Variants in CLPB observed in about 807,000 individuals in gnomAD.
CLPB encodes mitochondrial disaggregase.
A neutral mutation model predicts 78.4 loss-of-function variants in CLPB; 40 were observed. That is an observed-to-expected ratio of 0.51 (90% CI 0.40 to 0.66). The LOEUF (loss-of-function observed/expected upper bound fraction) is 0.66, where lower values mean the gene tolerates loss of function less well. Ranked by LOEUF, CLPB falls within the 30% of genes least tolerant of loss-of-function variation. The pLI is 0.00. For synonymous variants in CLPB, 333 were observed against 348.0 expected (o/e 0.96, Z 0.48); for missense variants, 780 against 886.9 (o/e 0.88, Z 1.53).
chr11:72,390,255 T>C (rs926545508), intron 3 of CLPB, among the ~76,000 whole-genome samples: 3 of 151,698 alleles, frequency 2.0e-5, no homozygotes, highest in South Asian at 4.2e-4. Flanking sequence ...CTGGCCAACA[T>C]GGTAAAACCC....
At chr11:72,384,612 A>C (rs1855022618) in intron 3 of CLPB, among the ~76,000 whole-genome samples, 1 of 152,220 alleles carries the variant, frequency 6.6e-6, no homozygotes, top group African/African-American at 2.4e-5. Flanking sequence ...TAAATGGATT[A>C]AAAAGAGTAA....
chr11:72,327,069 G>A (rs1387375415), intron 6 of CLPB, among the ~76,000 whole-genome samples: 1 of 152,198 alleles, frequency 6.6e-6, no homozygotes, highest in Non-Finnish European at 1.5e-5. Context: ...GAGTGACAAC[G>A]GATGAAATGA....
At chr11:72,371,703 C>T (rs1280247399) in intron 4 of CLPB, among the ~76,000 whole-genome samples, 1 of 152,128 alleles carries the variant, frequency 6.6e-6, no homozygotes, top group African/African-American at 2.4e-5. Context: ...AGGCATGAGC[C>T]ACCACACTCG....
chr11:72,408,218 G>GA, intron 2 of CLPB: 2 of 1,523,822 alleles, frequency 1.3e-6, no homozygotes, highest in African/African-American at 1.4e-5. Context: ...AGGTATAATG[G>GA]AAAAAAAGCA....
At chr11:72,377,745 C>A (rs988465927) in intron 4 of CLPB, among the ~76,000 whole-genome samples, 43 of 151,426 alleles carry the variant, frequency 2.8e-4, no homozygotes, top group Non-Finnish European at 4.4e-5. Flanking sequence ...AATTATGTAA[C>A]CTTGAACTAG....
At chr11:72,391,018 T>C (rs1166352862) in intron 3 of CLPB, among the ~76,000 whole-genome samples, 3 of 152,206 alleles carry the variant, frequency 2.0e-5, no homozygotes, top group Non-Finnish European at 4.4e-5. Context: ...ACAACATAGA[T>C]GGATGATTTT....
intron 3 of CLPB, among the ~76,000 whole-genome samples, chr11:72,390,266 C>G (rs1374449609): frequency 6.6e-6 from 1 of 150,974 alleles, no homozygotes; most frequent in Non-Finnish European, 1.5e-5. Context: ...GGTAAAACCC[C>G]ATCTCTACTA....
intron 3 of CLPB, among the ~76,000 whole-genome samples, chr11:72,401,586 A>C (rs1855563278): frequency 6.6e-6 from 1 of 152,254 alleles, no homozygotes; most frequent in Non-Finnish European, 1.5e-5. Flanking sequence ...TGTACAGCTA[A>C]GTCTCTCAGT....
chr11:72,404,386 T>A (rs117235147), intron 2 of CLPB, among the ~76,000 whole-genome samples: 4,475 of 152,288 alleles, frequency 0.029, 110 homozygotes, highest in Non-Finnish European at 0.041. Context: ...TGTGCCACGA[T>A]CTATAGTAAA....
intron 9 of CLPB, among the ~76,000 whole-genome samples, chr11:72,305,409 T>C (rs571762892): frequency 1.3e-5 from 2 of 152,362 alleles, no homozygotes; most frequent in African/African-American, 4.8e-5. Context: ...AGTCAAGGAA[T>C]AGGCACTTGC....
At chr11:72,387,896 G>A (rs1855131054) in intron 3 of CLPB, among the ~76,000 whole-genome samples, 2 of 152,128 alleles carry the variant, frequency 1.3e-5, no homozygotes, top group South Asian at 4.1e-4. Flanking sequence ...TTAATCCTCA[G>A]CTGCTGTGTC....
intron 5 of CLPB, among the ~76,000 whole-genome samples, chr11:72,340,593 GATTC>G (rs1362952931): frequency 6.6e-6 from 1 of 152,176 alleles, no homozygotes; most frequent in Non-Finnish European, 1.5e-5. Context: ...GTAGAATGCT[GATTC>G]ATTCATTCAT....
chr11:72,286,883 A>G lies in CLPB; in HGVS notation c.*6484T>C, dbSNP rs1949397765. ...AATTAGAGGTTTACCTTTAACCTCT[A>G]AATACTTACATTTTCTGAAAACAAG... On this transcript the variant is annotated 3_prime_UTR_variant, in exon 16 of 16. Coordinates refer to ENST00000538039, the MANE Select transcript of CLPB (RefSeq NM_001258392.3). 6.6e-6 allele frequency: 1 copy of G among 152,130 alleles called. No homozygotes were observed. The highest frequency in any genetic ancestry group is 2.4e-5 in the African/African-American group (1 of 41,430). The allele number at this position is 152,130 out of a possible 1,614,324, so 9.4% of individuals were successfully genotyped here.
intron 6 of CLPB, among the ~76,000 whole-genome samples, chr11:72,318,636 A>G (rs1949992438): frequency 6.6e-6 from 1 of 152,216 alleles, no homozygotes; most frequent in Non-Finnish European, 1.5e-5. Context: ...CTGCTTGGGC[A>G]GTGTTTTCCT....
At chr11:72,385,604 C>T (rs991864053) in intron 3 of CLPB, among the ~76,000 whole-genome samples, 34 of 152,294 alleles carry the variant, frequency 2.2e-4, no homozygotes, top group African/African-American at 7.7e-4. Context: ...AGCTGGATCA[C>T]CTGAGGTCAG....
chr11:72,373,231 C>T (rs1951077308), intron 4 of CLPB, among the ~76,000 whole-genome samples: 1 of 152,242 alleles, frequency 6.6e-6, no homozygotes, highest in Admixed American at 6.5e-5. Flanking sequence ...GGCTGCGTCT[C>T]TGCCGTGTTT....
intron 2 of CLPB, among the ~76,000 whole-genome samples, chr11:72,416,661 G>A (rs1412519948): frequency 3.3e-5 from 5 of 150,960 alleles, no homozygotes; most frequent in African/African-American, 1.2e-4. Flanking sequence ...GCTTGAACCC[G>A]GGAGGCAGAG....
At chr11:72,308,649 T>C in intron 7 of CLPB, 45 bp from the exon 8 acceptor site, 1 of 1,521,082 alleles carries the variant, frequency 6.6e-7, no homozygotes. Flanking sequence ...GGGAGGCAGA[T>C]AAATCAATGA....
intron 3 of CLPB, among the ~76,000 whole-genome samples, chr11:72,382,455 C>T (rs908851974): frequency 3.3e-5 from 5 of 152,230 alleles, no homozygotes; most frequent in African/African-American, 1.2e-4. Flanking sequence ...CATGCCATCA[C>T]AGGGTCAGTC....
Sources: allele counts gnomAD v4.1 joint callset (sites outside exome capture counted in the v4.1 genomes callset), GRCh38; gene constraint gnomAD v4.1.1; transcripts MANE v1.5; gene names NCBI Gene and HGNC (gene_info 2026-07-23, HGNC 2026-07-21).